PRKCSH: variants seen among roughly 807,000 people sequenced by gnomAD.
PRKCSH encodes the protein PRKCSH beta subunit of glucosidase II.
In PRKCSH, 42 loss-of-function variants were observed where a neutral mutation model predicts 79.7. The ratio of observed to expected loss-of-function variants is 0.53; its 90% CI spans 0.41 to 0.68. The LOEUF (loss-of-function observed/expected upper bound fraction) is 0.68. PRKCSH is among the 30% of genes least tolerant of loss of function. The probability of loss-of-function intolerance (pLI) is 0.00; values close to 1 mark genes in which losing one functional copy is unlikely to be tolerated. For missense variants in PRKCSH, 686 were observed against 709.0 expected (o/e 0.97, Z 0.37); for synonymous variants, 325 against 288.2 (o/e 1.13, Z -1.29).
At position 11,437,963 on chromosome 19, in the gene PRKCSH, G is replaced by T; in HGVS notation, c.284G>T (p.Gly95Val). 2 of 1,614,138 alleles carry T rather than the reference G, an allele frequency of 1.2e-6. No individual in the cohort carries two copies. The highest frequency in any genetic ancestry group is 2.2e-5 in the South Asian group (2 of 91,086). ...LYIPSNRVNDGVCDCCDGTDE... is the reference protein window; with the variant it reads ...LYIPSNRVNDVVCDCCDGTDE... ...ATCCCCTCCAACCGGGTCAACGATG[G>T]TGTTTGTGGTAAGTGAAGATGCACC... is the stretch of plus-strand genomic sequence containing the variant. The change falls in exon 4 of 18, where the codon GGT becomes GTT. Residue 95 changes from glycine (G) to valine (V), a missense_variant. By Grantham distance (109) the Gly-to-Val change is moderately radical. Coordinates refer to ENST00000677123, the MANE Select transcript of PRKCSH (RefSeq NM_001289104.2).
intron 7 of PRKCSH, among the ~76,000 whole-genome samples, chr19:11,443,906 G>T (rs1247820239): frequency 6.6e-6 from 1 of 152,046 alleles, no homozygotes; most frequent in Admixed American, 6.6e-5. Context: ...TTCCTGAGTA[G>T]CTGGGATTAC....
chr19:11,446,152 G>A, intron 8 of PRKCSH, 120 bp from the exon 9 acceptor site: 1 of 1,063,268 alleles, frequency 9.4e-7, no homozygotes, highest in Non-Finnish European at 1.4e-6. Flanking sequence ...ACACCTTGAG[G>A]TCCTGAAGCA....
At chr19:11,446,533 G>GCT (rs1970309803) in intron 9 of PRKCSH, among the ~76,000 whole-genome samples, 183 bp downstream of exon 9, 1 of 151,972 alleles carries the variant, frequency 6.6e-6, no homozygotes, top group East Asian at 1.9e-4. Flanking sequence ...GAGCCAGGTC[G>GCT]CGCTGGAGCC....
At chr19:11,435,960 C>T (rs986078260) in intron 1 of PRKCSH, 81 bp from the exon 2 acceptor site, 4 of 1,102,624 alleles carry the variant, frequency 3.6e-6, no homozygotes, top group Non-Finnish European at 5.4e-6. Context: ...AGTGAGGCCT[C>T]ATTGCCTGGA....
chr19:11,444,060 C>T (rs981909783), intron 7 of PRKCSH, among the ~76,000 whole-genome samples: 3 of 152,192 alleles, frequency 2.0e-5, no homozygotes, highest in African/African-American at 2.4e-5. Context: ...GCATGAGCCA[C>T]GGTGCCCAGC....
At position 11,448,657 on chromosome 19, in the gene PRKCSH, A is replaced by G. The variant is rs537079095; in HGVS notation, c.1286+28A>G. 22 of 1,600,582 alleles carry G rather than the reference A, an allele frequency of 1.4e-5. No individual in the cohort carries two copies. The highest frequency in any genetic ancestry group is 1.8e-5 in the Non-Finnish European group (21 of 1,167,846). On this transcript the variant is annotated intron_variant, in intron 14 of 17. Coordinates refer to ENST00000677123, the MANE Select transcript of PRKCSH (RefSeq NM_001289104.2). This position sits in a 1 kb window ranked among gnomAD's most constrained non-coding sequence, Gnocchi z 4.4. ...GCGTCCCAGGAATGCAGGGGCCCCCACTGGCAGGGTGGGAGGCGGGTGGCC... is the reference window on the plus strand; with the variant it reads ...GCGTCCCAGGAATGCAGGGGCCCCCGCTGGCAGGGTGGGAGGCGGGTGGCC...
Position 11,439,967 on chromosome 19 carries a change from C to T in PRKCSH, c.351-1273C>T, listed in dbSNP as rs543773368. Among the ~76,000 whole-genome samples the T allele has an allele frequency of 9.3e-5, 14 of 151,272 alleles. No homozygotes were observed. In the South Asian group the frequency reaches 1.0e-3, roughly 11 times the overall value. ...GGGTGTGTTGGTGCGTGTCTGTAGT[C>T]GCAGGTACTCAGGAGGCTGAGGCAG... On this transcript the variant is annotated intron_variant, in intron 5 of 17. Coordinates refer to ENST00000677123, the MANE Select transcript of PRKCSH (RefSeq NM_001289104.2).
Position 11,441,263 on chromosome 19 carries a change from A to T in PRKCSH, c.374A>T (p.Glu125Val). ...AGAGAGAAGGGCCGTAAGGAGAGAG[A>T]GTCCCTGCAGCAGATGGCCGAGGTC... ...TCKEKGRKERESLQQMAEVTR... is the reference protein window; with the variant it reads ...TCKEKGRKERVSLQQMAEVTR... Residue 125 changes from glutamate to valine, a missense_variant, in exon 6 of 18, where the codon GAG (glutamate) becomes GTG (valine). Physicochemically the swap from Glu to Val is moderately radical, Grantham distance 121. Coordinates refer to ENST00000677123, the MANE Select transcript of PRKCSH (RefSeq NM_001289104.2). 1 of 1,614,024 alleles carries T rather than the reference A, an allele frequency of 6.2e-7. No individual in the cohort carries two copies. Among genetic ancestry groups the T allele is most frequent in the East Asian group, 2.2e-5 (1 of 44,874 alleles).
chr19:11,444,083 T>C (rs1269509096), intron 7 of PRKCSH, among the ~76,000 whole-genome samples: 3 of 152,246 alleles, frequency 2.0e-5, no homozygotes, highest in Non-Finnish European at 4.4e-5. Flanking sequence ...TGTCTGCAAC[T>C]GAAGATATTA....
Position 11,447,190 on chromosome 19 carries a change from T to G in PRKCSH, c.849+30T>G, listed in dbSNP as rs766208193. ...GTGGAGGAGAAGGGAGGGGACTTGG[T>G]CCTCCCACCACACTGCCCCCACCCC... is the stretch of plus-strand genomic sequence containing the variant. On this transcript the variant is annotated intron_variant, in intron 10 of 17. Transcript: ENST00000677123. This position sits in a 1 kb window ranked among gnomAD's most constrained non-coding sequence, Gnocchi z 5.6. 1 of 1,601,302 alleles carries G rather than the reference T, an allele frequency of 6.2e-7. No homozygotes were observed. Among genetic ancestry groups the G allele is most frequent in the Admixed American group, 1.7e-5 (1 of 59,892 alleles).
chr19:11,435,984 T>A (rs1357862202), intron 1 of PRKCSH, 57 bp from the exon 2 acceptor site: 100 of 1,255,184 alleles, frequency 8.0e-5, no homozygotes, highest in Middle Eastern at 2.4e-4. Context: ...GATGGAGGAA[T>A]CCAATTGGCT....
rs773545982 is a variant in PRKCSH, at chr19:11,442,372, T to C, written c.469-14T>C. 3.2e-6 allele frequency: 5 copies of C among 1,583,112 alleles called. No homozygotes were observed. The highest frequency in any genetic ancestry group is 1.8e-5 in the Admixed American group (1 of 56,154). ...AACAGAGGAGAGCTGGTCTCTTGCC[T>C]TCTGCCCACCCAGAAAAAGCTCATT... On this transcript the variant is annotated splice_polypyrimidine_tract_variant and intron_variant, in intron 6 of 17. Transcript: ENST00000677123.
chr19:11,445,673 A>T (rs2144838571), intron 8 of PRKCSH, 200 bp downstream of exon 8: 2 of 641,200 alleles, frequency 3.1e-6, no homozygotes, highest in Non-Finnish European at 5.7e-6. Context: ...AGATAGGGGG[A>T]CCACCCTCTC....
At chr19:11,438,437 G>T (rs318697) in intron 5 of PRKCSH, among the ~76,000 whole-genome samples, 8 of 152,064 alleles carry the variant, frequency 5.3e-5, no homozygotes, top group African/African-American at 1.7e-4. Context: ...CCTGAAAACC[G>T]AAACACCCAC....
Position 11,449,825 on chromosome 19 carries a change from A to C in PRKCSH, c.*16+397A>C, listed in dbSNP as rs910028442. On this transcript the variant is annotated intron_variant, in intron 17 of 17. Transcript: ENST00000677123. This position sits in a 1 kb window ranked among gnomAD's most constrained non-coding sequence, Gnocchi z 6.4. ...GCTGGGATTACAGGCATGAGCCACC[A>C]CACCCGGCCATCTCCTGCCTTTTTT... 9.2e-6 allele frequency: 2 copies of C among 217,950 alleles called. No individual in the cohort carries two copies. Among genetic ancestry groups the C allele is most frequent in the East Asian group, 1.1e-4 (1 of 8,878 alleles). 13.5% of individuals were successfully genotyped at this position (217,950 alleles called of 1,614,324 possible).
At chr19:11,442,353 G>A in intron 6 of PRKCSH, 33 bp from the exon 7 acceptor site, 2 of 1,561,844 alleles carry the variant, frequency 1.3e-6, no homozygotes, top group Non-Finnish European at 1.7e-6. Context: ...GCAGAACAGA[G>A]GAGAGCTGGT....
At chr19:11,437,716 C>T (rs150218941) in intron 3 of PRKCSH, among the ~76,000 whole-genome samples, 160 bp from the exon 4 acceptor site, 14 of 152,300 alleles carry the variant, frequency 9.2e-5, no homozygotes, top group African/African-American at 1.7e-4. Context: ...AGCTTTATTT[C>T]GAGCCCTGGC....
At chr19:11,443,269 C>A (rs914085012) in intron 7 of PRKCSH, among the ~76,000 whole-genome samples, 3 of 150,976 alleles carry the variant, frequency 2.0e-5, no homozygotes, top group Non-Finnish European at 4.4e-5. Context: ...AAATTATGGC[C>A]GGGCACAGTG....
chr19:11,442,546 C>T (rs764797668), intron 7 of PRKCSH, 31 bp downstream of exon 7: 10 of 1,604,944 alleles, frequency 6.2e-6, no homozygotes, highest in Non-Finnish European at 7.7e-6. Flanking sequence ...GACTCACCTT[C>T]AGTCCTGGGT....
Sources: allele counts gnomAD v4.1 joint callset (sites outside exome capture counted in the v4.1 genomes callset), GRCh38; gene constraint gnomAD v4.1.1; non-coding constraint Gnocchi (gnomAD v3.1); transcripts MANE v1.5; gene names NCBI Gene and HGNC (gene_info 2026-07-23, HGNC 2026-07-21).